Variants in ARHGAP21 observed in about 807,000 individuals in gnomAD.
ARHGAP21 encodes rho GTPase-activating protein 21.
A neutral mutation model predicts 164.6 loss-of-function variants in ARHGAP21; 38 were observed. The observed-to-expected ratio is 0.23, with a 90% CI of 0.18 to 0.30. The LOEUF is 0.30. ARHGAP21 is among the 10% of genes least tolerant of loss of function. The pLI is 1.00. For missense variants in ARHGAP21, 1,822 were observed against 2,370.7 expected (o/e 0.77, Z 4.81); for synonymous variants, 766 against 857.9 (o/e 0.89, Z 1.87).
At chr10:24,721,788 A>C (rs1479854083) in intron 2 of ARHGAP21, 49 bp downstream of exon 2, 2 of 1,606,442 alleles carry the variant, frequency 1.2e-6, no homozygotes, top group Non-Finnish European at 1.7e-6. Flanking sequence ...AGGACGCTCA[A>C]GACACAGGCC....
chr10:24,616,464 A>G (rs1438222896), intron 9 of ARHGAP21, among the ~76,000 whole-genome samples: 1 of 152,224 alleles, frequency 6.6e-6, no homozygotes, highest in Non-Finnish European at 1.5e-5. Context: ...AATGTAATCC[A>G]GCTATATCTT....
chr10:24,704,279 TTTTTC>T (rs1215905825), intron 2 of ARHGAP21, among the ~76,000 whole-genome samples: 13 of 150,952 alleles, frequency 8.6e-5, no homozygotes, highest in African/African-American at 3.2e-4. Context: ...AGTTCTACAT[TTTTTC>T]TTTTCTTTTT....
chr10:24,622,507 G>A (rs376824030), intron 8 of ARHGAP21, among the ~76,000 whole-genome samples: 8 of 126,044 alleles, frequency 6.3e-5, no homozygotes, highest in East Asian at 2.3e-4. Context: ...TAAATATTAC[G>A]CTGTAGCATC....
intron 1 of ARHGAP21, 128 bp from the exon 2 acceptor site, chr10:24,722,407 A>G (rs1195706898): frequency 6.5e-6 from 1 of 154,618 alleles, no homozygotes; most frequent in African/African-American, 2.4e-5. Flanking sequence ...TAACGTAAAC[A>G]AACAAAAAGC....
At chr10:24,615,569 T>C (rs73606522) in intron 9 of ARHGAP21, among the ~76,000 whole-genome samples, 5,192 of 152,250 alleles carry the variant, frequency 0.034, 273 homozygotes, top group African/African-American at 0.11. Context: ...TGAGGCACTG[T>C]CCAAAGAATA....
rs770669270 is a variant in ARHGAP21 at position 24,630,046 on chromosome 10, T to C, written c.445A>G (p.Thr149Ala). The change falls in exon 7 of 26, where the codon ACA (threonine) becomes GCA (alanine). Residue 149 changes from threonine to alanine, a missense_variant. This residue lies in a region of ARHGAP21 where 1,090 missense variants were observed against 1,378.9 expected (regional missense o/e 0.79). Coordinates refer to ENST00000396432, the MANE Select transcript of ARHGAP21 (RefSeq NM_020824.4). ...QVIALIQNSD[T>A]TLELSVMPKD... ...GGCATAACACTAAGTTCCAATGTTG[T>C]ATCACTGAAATTGAATTATATACTA... is the stretch of plus-strand genomic sequence containing the variant. 6 of 1,537,118 alleles carry C rather than the reference T, an allele frequency of 3.9e-6. No homozygotes were observed. Among genetic ancestry groups the C allele is most frequent in the Non-Finnish European group, 5.3e-6 (6 of 1,140,020 alleles).
chr10:24,619,987 T>C lies in ARHGAP21; in HGVS notation c.1908A>G (p.Pro636=), dbSNP rs1401708873. The C allele has an allele frequency of 6.2e-7, 1 of 1,613,990 alleles. No individual in the cohort carries two copies. The highest frequency in any genetic ancestry group is 1.1e-5 in the South Asian group (1 of 91,074). The change falls in exon 9 of 26, where the codon CCA becomes CCG. Residue 636 remains proline (P), a synonymous_variant. Coordinates refer to ENST00000396432, the MANE Select transcript of ARHGAP21 (RefSeq NM_020824.4). ...AAACAAATGATTTCTGGCTAAATGA[T>C]GGTTTTGTGACATGCGTGGAAGGAG... The part of the protein sequence containing the change: ...LKAPSTHVTK[P]SFSQKSFVSI...
At chr10:24,639,146 G>A (rs919021420) in intron 4 of ARHGAP21, among the ~76,000 whole-genome samples, 32 of 152,094 alleles carry the variant, frequency 2.1e-4, no homozygotes, top group African/African-American at 7.7e-4. Flanking sequence ...ATATTACATG[G>A]TTTAAAATCC....
chr10:24,701,467 A>C (rs1389594202), intron 2 of ARHGAP21, among the ~76,000 whole-genome samples: 1 of 152,216 alleles, frequency 6.6e-6, no homozygotes, highest in Non-Finnish European at 1.5e-5. Context: ...TTCCCTTTGT[A>C]ATATCTTAAA....
intron 2 of ARHGAP21, among the ~76,000 whole-genome samples, chr10:24,719,098 TACACACACACAC>T (rs57863565): frequency 6.8e-6 from 1 of 147,506 alleles, no homozygotes; most frequent in Non-Finnish European, 1.5e-5. Context: ...CTTCACGGAC[TACACACACACAC>T]ACACACACAC....
intron 4 of ARHGAP21, among the ~76,000 whole-genome samples, chr10:24,644,950 T>A (rs898005443): frequency 2.2e-4 from 34 of 152,282 alleles, no homozygotes; most frequent in African/African-American, 7.7e-4. Context: ...TCTACAGGCA[T>A]CAGAAATGCA....
intron 2 of ARHGAP21, among the ~76,000 whole-genome samples, chr10:24,672,283 T>C (rs1840782767): frequency 6.6e-6 from 1 of 152,162 alleles, no homozygotes; most frequent in African/African-American, 2.4e-5. Context: ...TGCACCTTAT[T>C]GGCACAGGCG....
intron 2 of ARHGAP21, among the ~76,000 whole-genome samples, chr10:24,690,361 A>G (rs1387494929): frequency 6.6e-6 from 1 of 152,222 alleles, no homozygotes; most frequent in African/African-American, 2.4e-5. Context: ...CACTGACAGC[A>G]TGAGATTCCT....
intron 3 of ARHGAP21, among the ~76,000 whole-genome samples, chr10:24,667,283 A>G (rs950323008): frequency 1.3e-5 from 2 of 152,204 alleles, no homozygotes; most frequent in African/African-American, 2.4e-5. Flanking sequence ...GGTGAAGCCA[A>G]TTTAGGGGTA....
At chr10:24,721,722 C>T (rs1845958345) in intron 2 of ARHGAP21, 115 bp downstream of exon 2, 1 of 1,251,218 alleles carries the variant, frequency 8.0e-7, no homozygotes, top group Non-Finnish European at 1.1e-6. Context: ...CGCCAACAGG[C>T]TCAAAGCCCC....
At chr10:24,594,692 A>C (rs2076503568) in intron 21 of ARHGAP21, among the ~76,000 whole-genome samples, 1 of 152,166 alleles carries the variant, frequency 6.6e-6, no homozygotes, top group Admixed American at 6.5e-5. Context: ...ACAGCTAAAA[A>C]ATGAGAGAAG....
In ARHGAP21 at chr10:24,612,824, C is replaced by T. The variant is rs922455986; in HGVS notation, c.2423-4921G>A. 5.3e-5 allele frequency among the ~76,000 whole-genome samples: 8 copies of T among 152,172 alleles called. No individual in the cohort carries two copies. In the South Asian group the frequency reaches 8.3e-4, roughly 16 times the overall value. ...GAGCCGAGATCAGGCTGCTGCACTCCAGCCTGGGCAACAGAGCAAGACTCT... is the reference window on the plus strand; with the variant it reads ...GAGCCGAGATCAGGCTGCTGCACTCTAGCCTGGGCAACAGAGCAAGACTCT... On this transcript the variant is annotated intron_variant, in intron 9 of 25. Transcript: ENST00000396432.
chr10:24,625,299 GAAAAA>G (rs34935501), intron 7 of ARHGAP21, among the ~76,000 whole-genome samples: 3 of 53,798 alleles, frequency 5.6e-5, no homozygotes, highest in Non-Finnish European at 1.0e-4. Flanking sequence ...ATGAAACAGA[GAAAAA>G]AAAAAAAAAA....
Position 24,600,508 on chromosome 10 carries a change from T to A in ARHGAP21, c.3132+138A>T, listed in dbSNP as rs573154285. ...AATATAAAACAGGTATGTTTGAGTTTTCCTTTTCATCAACTGTTTTACATG... is the reference window on the plus strand; with the variant it reads ...AATATAAAACAGGTATGTTTGAGTTATCCTTTTCATCAACTGTTTTACATG... On this transcript the variant is annotated intron_variant, in intron 14 of 25. Coordinates refer to ENST00000396432, the MANE Select transcript of ARHGAP21 (RefSeq NM_020824.4). The A allele has an allele frequency of 3.6e-5, 40 of 1,106,068 alleles. No homozygotes were observed. The South Asian group carries it at 6.6e-4, about 18-fold the overall frequency. 68.5% of individuals were successfully genotyped at this position (1,106,068 alleles called of 1,614,324 possible). A position where few individuals can be genotyped will look rare whatever the true frequency, so the allele number is the denominator to read the frequency against.
Sources: allele counts gnomAD v4.1 joint callset (sites outside exome capture counted in the v4.1 genomes callset), GRCh38; gene constraint gnomAD v4.1.1; regional missense constraint gnomAD v4.1.1; transcripts MANE v1.5; gene names NCBI Gene and HGNC (gene_info 2026-07-23, HGNC 2026-07-21).